The following CPXM2 variants were observed in gnomAD, a reference collection of about 807,000 sequenced individuals.
The protein encoded by CPXM2 is carboxypeptidase X, M14 family member 2, also known as inactive carboxypeptidase-like protein X2.
Under a neutral mutation model 86.1 loss-of-function variants are expected in CPXM2, and 66 were observed. The observed-to-expected ratio is 0.77, with a 90% CI of 0.63 to 0.94. CPXM2 has a LOEUF of 0.94. CPXM2 is among the 40% of genes least tolerant of loss of function. The probability of loss-of-function intolerance (pLI) is 0.00; values close to 1 mark genes in which losing one functional copy is unlikely to be tolerated. For synonymous variants in CPXM2, 388 were observed against 400.2 expected (o/e 0.97, Z 0.36); for missense variants, 948 against 1,026.3 (o/e 0.92, Z 1.04).
chr10:123,891,488 A>G lies in CPXM2; in HGVS notation c.172T>C (p.Ser58Pro). ...ARPEPELETF[S>P]PPLPAGPGEE... is the part of the protein sequence containing the mutation. Reference sequence around the variant, plus strand: ...CCGGGCCCCGCAGGCAGCGGCGGAGAGAAGGTCTCGAGCTCGGGCTCCGGG... The same window carrying G: ...CCGGGCCCCGCAGGCAGCGGCGGAGGGAAGGTCTCGAGCTCGGGCTCCGGG... The change falls in exon 1 of 14, where the codon TCT becomes CCT. Residue 58 changes from serine to proline, a missense_variant. Transcript: ENST00000241305. The surrounding 1 kb of genome is among the most constrained non-coding windows in gnomAD (Gnocchi z 5.6). 6.5e-7 allele frequency: 1 copy of G among 1,547,942 alleles called. No individual in the cohort carries two copies. The highest frequency in any genetic ancestry group is 8.7e-7 in the Non-Finnish European group (1 of 1,145,484).
chr10:123,937,319 C>T (rs972957266), intron 2 of CPXM2, among the ~76,000 whole-genome samples: 1 of 152,196 alleles, frequency 6.6e-6, no homozygotes, highest in African/African-American at 2.4e-5. Flanking sequence ...CTGAAGAAGA[C>T]AGCATTGACC....
chr10:123,899,872 A>C (rs1019492336), intron 2 of CPXM2, among the ~76,000 whole-genome samples: 12 of 152,216 alleles, frequency 7.9e-5, no homozygotes, highest in African/African-American at 2.2e-4. Context: ...GATGAGGAAA[A>C]ACTTGTTAAA....
rs184671828 is a variant in CPXM2, at chr10:123,863,797, C to T, written c.404-1074G>A. 2.1e-4 allele frequency among the ~76,000 whole-genome samples: 32 copies of T among 152,358 alleles called. No homozygotes were observed. In the East Asian group the frequency reaches 6.2e-3, roughly 29 times the overall value. ...GGCCCCTGAGCCCAGGTTATAATCC[C>T]ACACCCCGTCACTCTCTGAGACAGC... On this transcript the variant is annotated intron_variant, in intron 2 of 13. Transcript: ENST00000241305.
At chr10:123,813,402 C>G (rs914629330) in intron 4 of CPXM2, among the ~76,000 whole-genome samples, 2 of 152,154 alleles carry the variant, frequency 1.3e-5, no homozygotes, top group Non-Finnish European at 2.9e-5. Context: ...GCTCTGTTCC[C>G]CTATTCTTTG....
intron 2 of CPXM2, among the ~76,000 whole-genome samples, chr10:123,874,182 A>C (rs1294664831): frequency 6.6e-6 from 1 of 152,042 alleles, no homozygotes; most frequent in Non-Finnish European, 1.5e-5. Flanking sequence ...CATTTCTAAA[A>C]GCCGAGAAGT....
chr10:123,915,189 C>T (rs1326716283), intron 2 of CPXM2, among the ~76,000 whole-genome samples: 1 of 152,214 alleles, frequency 6.6e-6, no homozygotes, highest in African/African-American at 2.4e-5. Flanking sequence ...CACACTTGCT[C>T]CTGCCTCACA....
At position 123,761,970 on chromosome 10, in the gene CPXM2, C is replaced by T. The variant is rs559678940; in HGVS notation, c.1679G>A (p.Arg560His). 14 of 1,613,648 alleles carry T rather than the reference C, an allele frequency of 8.7e-6. 1 individual carries two copies. The South Asian group carries it at 8.8e-5, about 10-fold the overall frequency. Residue 560 changes from arginine to histidine, a missense_variant, in exon 11 of 14, where the codon CGC (arginine) becomes CAC (histidine). Physicochemically the swap from Arg to His is conservative, Grantham distance 29. Transcript: ENST00000241305. The stretch of plus-strand genomic sequence containing the variant: ...CCTCCTCCGGGCGTCTGTCATGAGG[C>T]GGTGTGTGGAGGCATAGGAGTAGGC... Reference protein sequence around the residue: ...WLAYSYASTHRLMTDARRRVC... With the variant: ...WLAYSYASTHHLMTDARRRVC...
At chr10:123,868,949 G>A (rs938591444) in intron 2 of CPXM2, among the ~76,000 whole-genome samples, 2 of 152,144 alleles carry the variant, frequency 1.3e-5, no homozygotes, top group African/African-American at 4.8e-5. Context: ...CTGGTCCAAG[G>A]ACCTGTCAAT....
Position 123,746,463 on chromosome 10 carries a change from C to A in CPXM2, c.*301G>T. 1 of 419,046 alleles carries A rather than the reference C, an allele frequency of 2.4e-6. No homozygotes were observed. The highest frequency in any genetic ancestry group is 4.3e-6 in the Non-Finnish European group (1 of 234,388). The allele number at this position is 419,046 out of a possible 1,614,324, so 26.0% of individuals were successfully genotyped here. A position where few individuals can be genotyped will look rare whatever the true frequency, so the allele number is the denominator to read the frequency against. ...TTTCTATGCAGCCAGAGGCTCTGAA[C>A]GGACAGGCTCCCCTCCTTCTCCTTC... On this transcript the variant is annotated 3_prime_UTR_variant, in exon 14 of 14. Transcript: ENST00000241305.
At chr10:123,934,658 A>G (rs1426623946) in intron 2 of CPXM2, among the ~76,000 whole-genome samples, 1 of 151,504 alleles carries the variant, frequency 6.6e-6, no homozygotes, top group Non-Finnish European at 1.5e-5. Context: ...GAAGGAAGGC[A>G]CTCTGCGAAC....
chr10:123,911,538 C>A (rs1028516190), intron 2 of CPXM2, among the ~76,000 whole-genome samples: 7 of 151,424 alleles, frequency 4.6e-5, no homozygotes, highest in South Asian at 2.1e-4. Flanking sequence ...CAAAACCCAC[C>A]ATTACTTTCG....
chr10:123,802,436 C>G (rs1847480017), intron 4 of CPXM2, among the ~76,000 whole-genome samples: 1 of 152,178 alleles, frequency 6.6e-6, no homozygotes. Flanking sequence ...TGTTTCAGAC[C>G]TAGTTTCGTC....
At chr10:123,793,967 C>T (rs1442921356) in intron 6 of CPXM2, among the ~76,000 whole-genome samples, 1 of 152,234 alleles carries the variant, frequency 6.6e-6, no homozygotes, top group East Asian at 1.9e-4. Flanking sequence ...GCTGAAACAT[C>T]ACAGTTTAGC....
At chr10:123,799,010 C>T in intron 5 of CPXM2, 105 bp downstream of exon 5, 1 of 1,339,390 alleles carries the variant, frequency 7.5e-7, no homozygotes. Context: ...TTTGAGTTGA[C>T]AGAGAATCCA....
chr10:123,850,410 A>G (rs1209296053), intron 3 of CPXM2, among the ~76,000 whole-genome samples: 2 of 152,202 alleles, frequency 1.3e-5, no homozygotes, highest in African/African-American at 4.8e-5. Context: ...TTAAATGGGA[A>G]ATTCCAGAAA....
upstream of CPXM2, among the ~76,000 whole-genome samples, chr10:123,941,230 T>G (rs931378284): frequency 6.6e-6 from 1 of 152,218 alleles, no homozygotes; most frequent in African/African-American, 2.4e-5. Flanking sequence ...GTCTCATAGT[T>G]CTGGGGCCTA....
intron 3 of CPXM2, among the ~76,000 whole-genome samples, chr10:123,856,748 C>A (rs565017646): frequency 1.3e-5 from 2 of 152,076 alleles, no homozygotes; most frequent in Non-Finnish European, 2.9e-5. Flanking sequence ...TGTGCCACCA[C>A]GCCCGGCTAA....
chr10:123,869,250 C>T (rs991779629), intron 2 of CPXM2, among the ~76,000 whole-genome samples: 1 of 152,188 alleles, frequency 6.6e-6, no homozygotes, highest in Non-Finnish European at 1.5e-5. Context: ...CGGGGGTTCC[C>T]AGCCAGGCTG....
rs918960633 is a variant in CPXM2, at chr10:123,794,755, GT to G, written c.889+3220del. Among the ~76,000 whole-genome samples, 89 of 151,182 alleles carry G rather than the reference GT, an allele frequency of 5.9e-4. 1 individual carries two copies. The highest frequency in any genetic ancestry group is 2.1e-3 in the African/African-American group (87 of 40,764). The stretch of plus-strand genomic sequence containing the variant: ...AGACCGTGTGTGTGTGTGTGTGTGT[GT>G]GTGTGTGTGTGTGCGCATGTGTGTG... On this transcript the variant is annotated intron_variant, in intron 6 of 13. Coordinates refer to ENST00000241305, the MANE Select transcript of CPXM2 (RefSeq NM_198148.3).
Sources: gnomAD v4.1 joint callset for allele counts (sites outside exome capture counted in the v4.1 genomes callset) on GRCh38, gnomAD v4.1.1 for gene constraint, Gnocchi (gnomAD v3.1) non-coding constraint, MANE v1.5 for transcripts, NCBI Gene and HGNC (gene_info 2026-07-23, HGNC 2026-07-21) for gene names.